Variants in ERI1 observed in about 807,000 individuals in gnomAD.
The protein encoded by ERI1 is exoribonuclease 1.
Under a neutral mutation model 39.7 loss-of-function variants are expected in ERI1, and 39 were observed. The observed-to-expected ratio is 0.98, with a 90% CI of 0.76 to 1.28. The LOEUF (loss-of-function observed/expected upper bound fraction) is 1.28, where lower values mean the gene tolerates loss of function less well. Among genes scored for constraint, ERI1 ranks in the 50% most tolerant of loss-of-function variants. The pLI is 0.00. For synonymous variants in ERI1, 204 were observed against 149.6 expected (o/e 1.36, Z -2.65); for missense variants, 581 against 416.9 (o/e 1.39, Z -3.43).
chr8:9,095,531 G>A (rs1799850429), intron 3 of ERI1, among the ~76,000 whole-genome samples: 1 of 151,218 alleles, frequency 6.6e-6, no homozygotes, highest in East Asian at 1.9e-4. Flanking sequence ...TTTGAGATGG[G>A]GTCTCACTCT....
chr8:9,058,557 A>G (rs1798586710), intron 3 of ERI1, among the ~76,000 whole-genome samples: 1 of 152,134 alleles, frequency 6.6e-6, no homozygotes, highest in African/African-American at 2.4e-5. Flanking sequence ...CCTGTTTAAC[A>G]TTTTTTTCTC....
At chr8:9,036,289 T>A (rs116656257), downstream of ERI1, among the ~76,000 whole-genome samples, 2 of 152,192 alleles carry the variant, frequency 1.3e-5, no homozygotes, top group Non-Finnish European at 2.9e-5. Context: ...AGCACAAATA[T>A]CAGTTGATGG....
chr8:9,088,991 G>C (rs1330228184), intron 3 of ERI1, among the ~76,000 whole-genome samples: 1 of 152,208 alleles, frequency 6.6e-6, no homozygotes, highest in African/African-American at 2.4e-5. Context: ...GTGTTATGTG[G>C]TGGCCTTGGC....
Position 9,032,291 on chromosome 8 carries a change from A to C in ERI1, c.*2257A>C, listed in dbSNP as rs1190564311. On this transcript the variant is annotated 3_prime_UTR_variant, in exon 7 of 7. Coordinates refer to ENST00000250263, the MANE Select transcript of ERI1 (RefSeq NM_153332.4). ...TATTGTTTCTTATTAATAGTTACTTAGTATTTACAAACAATTTATTATTAG... is the reference window on the plus strand; with the variant it reads ...TATTGTTTCTTATTAATAGTTACTTCGTATTTACAAACAATTTATTATTAG... The C allele has an allele frequency of 6.6e-6, 1 of 152,238 alleles. No individual in the cohort carries two copies. Among genetic ancestry groups the C allele is most frequent in the East Asian group, 1.9e-4 (1 of 5,202 alleles). The allele number at this position is 152,238 out of a possible 1,614,324, so 9.4% of individuals were successfully genotyped here.
At chr8:9,015,829 A>C (rs1817209591) in intron 3 of ERI1, among the ~76,000 whole-genome samples, 1 of 152,150 alleles carries the variant, frequency 6.6e-6, no homozygotes, top group South Asian at 2.1e-4. Flanking sequence ...TATATCATAC[A>C]GTTAAATTTT....
At chr8:9,022,255 C>T (rs576312055) in intron 6 of ERI1, among the ~76,000 whole-genome samples, 1 of 151,968 alleles carries the variant, frequency 6.6e-6, no homozygotes, top group Non-Finnish European at 1.5e-5. Context: ...TTGCGAACCC[C>T]TTATTTAAAT....
intron 6 of ERI1, among the ~76,000 whole-genome samples, chr8:9,028,959 T>A (rs1294613747): frequency 1.3e-5 from 2 of 148,924 alleles, no homozygotes; most frequent in Non-Finnish European, 3.0e-5. Flanking sequence ...TATTGGAATT[T>A]GGGGAGTGTG....
chr8:9,046,951 T>G (rs977953286), intron 3 of ERI1, among the ~76,000 whole-genome samples: 2 of 152,224 alleles, frequency 1.3e-5, no homozygotes, highest in Non-Finnish European at 1.5e-5. Flanking sequence ...CGAATCAGCC[T>G]GAGGCTGGCA....
At chr8:9,033,344 A>G (rs972592173), downstream of ERI1, 1 of 152,180 alleles carries the variant, frequency 6.6e-6, no homozygotes, top group Non-Finnish European at 1.5e-5. Flanking sequence ...AAGAACTACC[A>G]TTCTCATTTG....
At chr8:9,007,833 C>T in intron 1 of ERI1, 137 bp from the exon 2 acceptor site, 1 of 1,291,464 alleles carries the variant, frequency 7.7e-7, no homozygotes, top group Non-Finnish European at 1.0e-6. Context: ...TTAGGAGCTG[C>T]AGTGAACACT....
rs545142677 is a variant in ERI1 at position 9,041,023 on chromosome 8, T to G, written n.299+20559T>G. On this transcript the variant is annotated intron_variant and non_coding_transcript_variant, in intron 3 of 3. Coordinates refer to the ERI1 transcript ENST00000518663. ...TATAGCGTAATGAGACCGTTTTCAG[T>G]GCAGACAGCTGAGCCCCCAGGCACT... Among the ~76,000 whole-genome samples the G allele has an allele frequency of 6.6e-5, 10 of 152,318 alleles. No homozygotes were observed. In the South Asian group the frequency reaches 2.1e-3, roughly 32 times the overall value.
chr8:9,095,660 A>G (rs566656662), intron 3 of ERI1, among the ~76,000 whole-genome samples: 2 of 152,072 alleles, frequency 1.3e-5, no homozygotes. Flanking sequence ...AGCTGGGACT[A>G]CAGGCACATG....
intron 3 of ERI1, among the ~76,000 whole-genome samples, chr8:9,079,071 G>T (rs1405403732): frequency 1.3e-5 from 2 of 152,186 alleles, no homozygotes; most frequent in East Asian, 1.9e-4. Context: ...AAGACAGGAT[G>T]TTGAAAGGAA....
At chr8:9,028,667 A>G (rs139156311) in intron 6 of ERI1, among the ~76,000 whole-genome samples, 3 of 152,144 alleles carry the variant, frequency 2.0e-5, no homozygotes, top group Non-Finnish European at 4.4e-5. Flanking sequence ...TCTGACGCCC[A>G]GGCTGGAGTG....
In ERI1 at chr8:9,008,082, G is replaced by A. The variant is rs1324254796; in HGVS notation, c.221G>A (p.Gly74Asp). Reference protein sequence around the residue: ...PVYKEIAITNGCINRMSKEEL... With the variant: ...PVYKEIAITNDCINRMSKEEL... ...TACAAAGAGATTGCCATTACGAATGGCTGTATTAATAGAATGAGTAAGGAA... is the reference window on the plus strand; with the variant it reads ...TACAAAGAGATTGCCATTACGAATGACTGTATTAATAGAATGAGTAAGGAA... Residue 74 changes from glycine to aspartate, a missense_variant, in exon 2 of 7, where the codon GGC (glycine) becomes GAC (aspartate). Gly to Asp is a moderately conservative substitution (Grantham distance 94). Coordinates refer to ENST00000250263, the MANE Select transcript of ERI1 (RefSeq NM_153332.4). 3.1e-6 allele frequency: 5 copies of A among 1,612,806 alleles called. No homozygotes were observed. In the African/African-American group the frequency reaches 6.7e-5, roughly 22 times the overall value.
At chr8:9,020,090 C>T (rs993288481) in intron 5 of ERI1, among the ~76,000 whole-genome samples, 1 of 152,016 alleles carries the variant, frequency 6.6e-6, no homozygotes, top group Non-Finnish European at 1.5e-5. Flanking sequence ...AGAAGCCTGC[C>T]CAGAACCATG....
downstream of ERI1, among the ~76,000 whole-genome samples, chr8:9,035,650 T>C (rs1797819584): frequency 6.6e-6 from 1 of 152,234 alleles, no homozygotes; most frequent in African/African-American, 2.4e-5. Context: ...AGGAGATTAA[T>C]GTTGGTTTTA....
chr8:9,098,842 G>T (rs1337207019), intron 3 of ERI1, among the ~76,000 whole-genome samples: 2 of 152,082 alleles, frequency 1.3e-5, no homozygotes, highest in African/African-American at 4.8e-5. Flanking sequence ...TTTTTTGTTT[G>T]TTTGTTTGTT....
rs1797659449 is a variant in ERI1, at chr8:9,032,520, G to C, written c.*2486G>C. On this transcript the variant is annotated 3_prime_UTR_variant, in exon 7 of 7. Coordinates refer to ENST00000250263, the MANE Select transcript of ERI1 (RefSeq NM_153332.4). ...TTTTGTGATGTGTCTTTGTTGCCTT[G>C]AGATAGATCCATTTATCCTGCCTCC... 6.6e-6 allele frequency: 1 copy of C among 152,046 alleles called. No individual in the cohort carries two copies. The highest frequency in any genetic ancestry group is 2.4e-5 in the African/African-American group (1 of 41,376). 9.4% of individuals were successfully genotyped at this position (152,046 alleles called of 1,614,324 possible).
Sources: allele counts gnomAD v4.1 joint callset (sites outside exome capture counted in the v4.1 genomes callset), GRCh38; gene constraint gnomAD v4.1.1; transcripts MANE v1.5; gene names NCBI Gene and HGNC (gene_info 2026-07-23, HGNC 2026-07-21).